Variants in LCOR observed in about 807,000 individuals in gnomAD.
LCOR encodes the protein ligand-dependent corepressor.
LCOR carries 14 observed loss-of-function variants against 64.4 expected under a neutral mutation model. The observed-to-expected ratio is 0.22, with a 90% CI of 0.14 to 0.34. The LOEUF (loss-of-function observed/expected upper bound fraction) is 0.34. Among genes scored for constraint, LCOR ranks in the 10% least tolerant of loss-of-function variants. LCOR has a pLI of 1.00. For missense variants in LCOR, 1,686 were observed against 1,765.3 expected, an observed-to-expected ratio of 0.96 and a Z score of 0.80; for synonymous variants, 643 against 642.5, an observed-to-expected ratio of 1.00 and a Z score of -0.01.
Position 96,983,682 on chromosome 10 carries a change from T to C in LCOR, c.3222T>C (p.Asn1074=). The change falls in exon 8 of 8, where the codon AAT becomes AAC. Residue 1074 remains asparagine (N), a synonymous_variant. Coordinates refer to ENST00000421806, the MANE Select transcript of LCOR (RefSeq NM_001346516.2). The surrounding 1 kb of genome is among the most constrained non-coding windows in gnomAD (Gnocchi z 4.5). ...AQVNPIMPKE[N]GASESGDPLD... is the part of the protein sequence containing the mutation. ...TAAACCCCATAATGCCAAAGGAAAA[T>C]GGAGCTTCAGAGAGTGGAGACCCCC... The C allele has an allele frequency of 6.2e-7, 1 of 1,613,828 alleles. No homozygotes were observed. Among genetic ancestry groups the C allele is most frequent in the Non-Finnish European group, 8.5e-7 (1 of 1,179,956 alleles).
At position 96,949,176 on chromosome 10, in the gene LCOR, C is replaced by T; in HGVS notation, c.119C>T (p.Thr40Ile). 1 of 1,614,122 alleles carries T rather than the reference C, an allele frequency of 6.2e-7. No homozygotes were observed. Among genetic ancestry groups the T allele is most frequent in the Non-Finnish European group, 8.5e-7 (1 of 1,180,004 alleles). ...NQSLPKASPV[T>I]TSPTAATTQN... is the part of the protein sequence containing the mutation. ...AGCCTGCCGAAAGCATCTCCAGTCACCACCTCTCCCACGGCTGCAACTACT... is the reference window on the plus strand; with the variant it reads ...AGCCTGCCGAAAGCATCTCCAGTCATCACCTCTCCCACGGCTGCAACTACT... The change falls in exon 6 of 8, where the codon ACC becomes ATC. Residue 40 changes from threonine to isoleucine, a missense_variant. This residue lies in a region of LCOR where 80 missense variants were observed against 107.7 expected (regional missense o/e 0.74). Transcript: ENST00000421806.
chr10:96,907,441 A>C, intron 3 of LCOR, 111 bp downstream of exon 3: 1 of 241,400 alleles, frequency 4.1e-6, no homozygotes, highest in Non-Finnish European at 6.7e-6. Context: ...GGTTAAAGCT[A>C]TATTCATGTA....
intron 7 of LCOR, among the ~76,000 whole-genome samples, chr10:96,971,705 C>T (rs956250118): frequency 4.6e-5 from 7 of 152,016 alleles, no homozygotes; most frequent in African/African-American, 9.7e-5. Flanking sequence ...GATAATGTGA[C>T]GCTGACTCTA....
chr10:96,897,911 T>G (rs1846568788), intron 2 of LCOR, among the ~76,000 whole-genome samples: 2 of 151,360 alleles, frequency 1.3e-5, no homozygotes, highest in Non-Finnish European at 2.9e-5. Context: ...CTGTTACCCT[T>G]CTGTTTTATT....
chr10:96,901,047 G>A (rs1170538022), intron 2 of LCOR, among the ~76,000 whole-genome samples: 1 of 151,980 alleles, frequency 6.6e-6, no homozygotes, highest in Non-Finnish European at 1.5e-5. Flanking sequence ...AAATTAGTCA[G>A]GCGTGGTGGC....
chr10:96,906,475 C>T (rs774951850), intron 2 of LCOR, among the ~76,000 whole-genome samples: 27 of 152,140 alleles, frequency 1.8e-4, no homozygotes, highest in Non-Finnish European at 3.4e-4. Flanking sequence ...TCCTTACTCT[C>T]TTGACCCATA....
intron 7 of LCOR, among the ~76,000 whole-genome samples, chr10:96,966,220 C>CTTTTT (rs34210121): frequency 1.1e-4 from 6 of 55,150 alleles, no homozygotes; most frequent in South Asian, 6.3e-4. Context: ...CCAAAGGACT[C>CTTTTT]TTTTTTTTTT....
chr10:96,971,008 A>G (rs113494583), intron 7 of LCOR, among the ~76,000 whole-genome samples: 2 of 152,358 alleles, frequency 1.3e-5, no homozygotes, highest in African/African-American at 2.4e-5. Context: ...ACATCATCAT[A>G]CATATATACA....
intron 4 of LCOR, among the ~76,000 whole-genome samples, chr10:96,920,755 C>T (rs1344765597): frequency 0.11 from 11,915 of 109,234 alleles, 1,008 homozygotes; most frequent in African/African-American, 0.28. Context: ...TATGTATACA[C>T]ACACACACAC....
At chr10:96,870,865 G>A (rs887513357) in intron 2 of LCOR, among the ~76,000 whole-genome samples, 2 of 152,168 alleles carry the variant, frequency 1.3e-5, no homozygotes, top group African/African-American at 4.8e-5. Flanking sequence ...GACAATAGTA[G>A]TTTTGCTTGT....
At chr10:96,894,927 G>T (rs562052927) in intron 2 of LCOR, among the ~76,000 whole-genome samples, 23 of 152,084 alleles carry the variant, frequency 1.5e-4, no homozygotes, top group Non-Finnish European at 3.1e-4. Flanking sequence ...CAAGTTGTTT[G>T]CTAGATGGTA....
Position 96,883,972 on chromosome 10 carries a change from G to A in LCOR, c.-329-23293G>A, listed in dbSNP as rs139869960. ...AAAACAGTGATATAGATAGCTCACA[G>A]ATACAATAATATATGGTTATTACAT... On this transcript the variant is annotated intron_variant, in intron 2 of 7. Coordinates refer to ENST00000421806, the MANE Select transcript of LCOR (RefSeq NM_001346516.2). Among the ~76,000 whole-genome samples, 447 of 152,170 alleles carry A rather than the reference G, an allele frequency of 2.9e-3. 9 individuals are homozygous for A. Among genetic ancestry groups the A allele is most frequent in the East Asian group, 0.026 (133 of 5,184 alleles).
At chr10:96,835,191 T>A (rs1845421882) in intron 2 of LCOR, among the ~76,000 whole-genome samples, 1 of 149,418 alleles carries the variant, frequency 6.7e-6, no homozygotes, top group South Asian at 2.1e-4. Flanking sequence ...TGAGAGCCAC[T>A]GTGCCCGGCC....
intron 7 of LCOR, among the ~76,000 whole-genome samples, chr10:96,973,997 G>T (rs1309526543): frequency 3.9e-5 from 6 of 152,178 alleles, no homozygotes; most frequent in Non-Finnish European, 7.3e-5. Context: ...CCACAGGAAT[G>T]CTTTCCATCA....
chr10:96,948,509 A>G (rs1226192659), intron 5 of LCOR, among the ~76,000 whole-genome samples: 2 of 152,222 alleles, frequency 1.3e-5, no homozygotes, highest in Non-Finnish European at 2.9e-5. Flanking sequence ...CCCTAGCCTA[A>G]AATGGATCTT....
At chr10:96,892,972 TTCTG>T (rs1340448665) in intron 2 of LCOR, among the ~76,000 whole-genome samples, 2 of 152,208 alleles carry the variant, frequency 1.3e-5, no homozygotes, top group East Asian at 1.9e-4. Context: ...TTATATTTCT[TTCTG>T]TCTGTCTTAT....
chr10:96,832,906 C>T (rs571081538), intron 1 of LCOR: 7 of 832,804 alleles, frequency 8.4e-6, no homozygotes, highest in South Asian at 5.5e-5. Flanking sequence ...GCCCCCGGGT[C>T]TGCGTGCACG....
At chr10:96,962,253 A>G (rs1466131588) in intron 7 of LCOR, 1 of 152,082 alleles carries the variant, frequency 6.6e-6, no homozygotes, top group Admixed American at 6.6e-5. Context: ...GGTGAGGGGG[A>G]AAATTCCCTA....
chr10:96,983,205 G>A lies in LCOR; in HGVS notation c.2745G>A (p.Met915Ile), dbSNP rs1848110331. 1 of 1,614,194 alleles carries A rather than the reference G, an allele frequency of 6.2e-7. No homozygotes were observed. Among genetic ancestry groups the A allele is most frequent in the East Asian group, 2.2e-5 (1 of 44,878 alleles). The change falls in exon 8 of 8, where the codon ATG becomes ATA. Residue 915 changes from methionine (M) to isoleucine (I), a missense_variant. Coordinates refer to ENST00000421806, the MANE Select transcript of LCOR (RefSeq NM_001346516.2). The surrounding 1 kb of genome is among the most constrained non-coding windows in gnomAD (Gnocchi z 4.5). ...GIITRQTLKN[M>I]LDKEVKELRG... ...TCACCAGGCAGACTTTGAAAAACAT[G>A]CTGGACAAAGAAGTCAAGGAGTTAC...
Sources: gnomAD v4.1 joint callset for allele counts (sites outside exome capture counted in the v4.1 genomes callset) on GRCh38, gnomAD v4.1.1 for gene constraint, gnomAD v4.1.1 regional missense constraint, Gnocchi (gnomAD v3.1) non-coding constraint, MANE v1.5 for transcripts, NCBI Gene and HGNC (gene_info 2026-07-23, HGNC 2026-07-21) for gene names.